The following IL36B variants were observed in gnomAD, a reference collection of about 807,000 sequenced individuals.
IL36B encodes interleukin 36 beta.
Under a neutral mutation model 19.3 loss-of-function variants are expected in IL36B, and 23 were observed. The observed-to-expected ratio is 1.19, with a 90% CI of 0.86 to 1.69. The LOEUF (loss-of-function observed/expected upper bound fraction) is 1.69, where lower values mean the gene tolerates loss of function less well. Among genes scored for constraint, IL36B ranks in the 40% most tolerant of loss-of-function variants. The pLI is 0.00. For synonymous variants in IL36B, 59 were observed against 59.7 expected, an observed-to-expected ratio of 0.99 and a Z score of 0.05; for missense variants, 217 against 200.5, an observed-to-expected ratio of 1.08 and a Z score of -0.50.
At chr2:113,043,019 A>T (rs1280283066) in intron 1 of IL36B, among the ~76,000 whole-genome samples, 1 of 151,738 alleles carries the variant, frequency 6.6e-6, no homozygotes, top group African/African-American at 2.4e-5. Flanking sequence ...GCAGTTTCCC[A>T]ATGACTAATT....
chr2:113,031,675 T>A (rs1421166640), intron 2 of IL36B, 22 bp downstream of exon 2: 2 of 1,602,144 alleles, frequency 1.2e-6, no homozygotes, highest in Non-Finnish European at 1.7e-6. Context: ...ATTTCCAAGC[T>A]GATTTGCAAT....
At chr2:113,026,549 T>C (rs961995855) in intron 4 of IL36B, among the ~76,000 whole-genome samples, 2 of 152,242 alleles carry the variant, frequency 1.3e-5, no homozygotes, top group Non-Finnish European at 2.9e-5. Context: ...GTTATGCTCA[T>C]GTTCATGCTC....
intron 1 of IL36B, among the ~76,000 whole-genome samples, chr2:113,046,249 A>G (rs922225160): frequency 5.0e-5 from 7 of 140,526 alleles, no homozygotes; most frequent in South Asian, 2.2e-4. Context: ...TGGCTCTGTC[A>G]CCCAGGCTGG....
chr2:113,031,942 T>G (rs1685083117), intron 1 of IL36B, among the ~76,000 whole-genome samples, 176 bp from the exon 2 acceptor site: 1 of 152,176 alleles, frequency 6.6e-6, no homozygotes, highest in Non-Finnish European at 1.5e-5. Flanking sequence ...CAGAAAACCC[T>G]AAAAGGAAGC....
At chr2:113,026,869 G>T (rs1476082229) in intron 4 of IL36B, among the ~76,000 whole-genome samples, 1 of 152,164 alleles carries the variant, frequency 6.6e-6, no homozygotes, top group African/African-American at 2.4e-5. Context: ...ATATGGATTG[G>T]TTTACATTCA....
At position 113,022,521 on chromosome 2, in the gene IL36B, C is replaced by T. The variant is rs577186022; in HGVS notation, c.*153G>A. 5.2e-6 allele frequency: 3 copies of T among 577,092 alleles called. No individual in the cohort carries two copies. Among genetic ancestry groups the T allele is most frequent in the Non-Finnish European group, 9.3e-6 (3 of 324,316 alleles). 35.7% of individuals were successfully genotyped at this position (577,092 alleles called of 1,614,324 possible). On this transcript the variant is annotated 3_prime_UTR_variant, in exon 6 of 6. Coordinates refer to ENST00000259213, the MANE Select transcript of IL36B (RefSeq NM_014438.5). ...CTCTAGCTTTACAGGTAAGATTTACCAACTCTTTAAAAATACATAGTGTCC... is the reference window on the plus strand; with the variant it reads ...CTCTAGCTTTACAGGTAAGATTTACTAACTCTTTAAAAATACATAGTGTCC...
chr2:113,039,260 A>G (rs541020857), intron 1 of IL36B, among the ~76,000 whole-genome samples: 1 of 152,306 alleles, frequency 6.6e-6, no homozygotes, highest in Admixed American at 6.5e-5. Flanking sequence ...GACAATTATA[A>G]GACAAAAAGA....
intron 4 of IL36B, 59 bp downstream of exon 4, chr2:113,028,880 T>C: frequency 6.5e-7 from 1 of 1,547,284 alleles, no homozygotes; most frequent in Non-Finnish European, 8.8e-7. Flanking sequence ...AGTAACATAG[T>C]AAATGAAATA....
At chr2:113,030,702 A>T (rs960171266) in intron 3 of IL36B, among the ~76,000 whole-genome samples, 3 of 151,878 alleles carry the variant, frequency 2.0e-5, no homozygotes, top group Non-Finnish European at 2.9e-5. Context: ...TGGTGGAAAG[A>T]TGACGGAGTT....
intron 1 of IL36B, among the ~76,000 whole-genome samples, chr2:113,046,266 G>C (rs1685348090): frequency 6.7e-6 from 1 of 150,236 alleles, no homozygotes; most frequent in South Asian, 2.1e-4. Context: ...CTGGAGTGCA[G>C]TGGCACCATC....
At position 113,022,701 on chromosome 2, in the gene IL36B, G is replaced by T. The variant is rs1490987668; in HGVS notation, c.468C>A (p.Thr156=). 2 of 1,610,502 alleles carry T rather than the reference G, an allele frequency of 1.2e-6. No homozygotes were observed. The highest frequency in any genetic ancestry group is 1.3e-5 in the African/African-American group (1 of 74,928). The change falls in exon 6 of 6, where the codon ACC becomes ACA. Residue 156 remains threonine, a synonymous_variant. Transcript: ENST00000259213. ...ACATCCTTCCTGGCATTCCTATGTT[G>T]GTCCGCATGGATGAGAAATCTTTGT...
chr2:113,046,411 A>G lies in IL36B; in HGVS notation c.-58+6406T>C, dbSNP rs573788459. Among the ~76,000 whole-genome samples the G allele has an allele frequency of 2.5e-3, 385 of 152,156 alleles. 2 individuals carry two copies. Among genetic ancestry groups the G allele is most frequent in the African/African-American group, 8.2e-3 (341 of 41,508 alleles). On this transcript the variant is annotated intron_variant, in intron 1 of 5. Transcript: ENST00000259213. ...TTTTTAGTAGAGACGGTGTTTCACCATGTTAGCCAGTATGGTCTCGATCTC... is the reference window on the plus strand; with the variant it reads ...TTTTTAGTAGAGACGGTGTTTCACCGTGTTAGCCAGTATGGTCTCGATCTC...
intron 1 of IL36B, among the ~76,000 whole-genome samples, chr2:113,047,121 G>T (rs1685363512): frequency 6.6e-6 from 1 of 152,110 alleles, no homozygotes; most frequent in African/African-American, 2.4e-5. Flanking sequence ...TTGGCCATTG[G>T]AAGCACTTTT....
intron 1 of IL36B, among the ~76,000 whole-genome samples, chr2:113,039,209 C>T (rs766094170): frequency 1.3e-5 from 2 of 152,086 alleles, no homozygotes; most frequent in Non-Finnish European, 2.9e-5. Context: ...ATGAGACAGG[C>T]ACAGAGCACT....
intron 1 of IL36B, among the ~76,000 whole-genome samples, chr2:113,038,917 G>C (rs1048302884): frequency 1.3e-5 from 2 of 152,204 alleles, no homozygotes; most frequent in African/African-American, 2.4e-5. Flanking sequence ...TAGGTGATGG[G>C]TTCTACAGTG....
chr2:113,029,243 GA>G (rs1220682446), intron 3 of IL36B, among the ~76,000 whole-genome samples, 165 bp from the exon 4 acceptor site: 1 of 152,138 alleles, frequency 6.6e-6, no homozygotes, highest in Non-Finnish European at 1.5e-5. Flanking sequence ...CTTAATAACA[GA>G]ACCCCAGTTG....
intron 3 of IL36B, among the ~76,000 whole-genome samples, chr2:113,030,082 T>G (rs968895809): frequency 6.6e-6 from 1 of 151,928 alleles, no homozygotes; most frequent in Non-Finnish European, 1.5e-5. Flanking sequence ...AATACAAAAA[T>G]TAGCTAGGCA....
At chr2:113,033,445 C>T (rs756324035) in intron 1 of IL36B, among the ~76,000 whole-genome samples, 85 of 152,134 alleles carry the variant, frequency 5.6e-4, no homozygotes, top group Admixed American at 2.0e-3. Flanking sequence ...CACTGTGTTG[C>T]CCAGGCTGGT....
In IL36B at chr2:113,028,932, C is replaced by G; in HGVS notation, c.261+7G>C. The G allele has an allele frequency of 1.2e-6, 2 of 1,612,886 alleles. No homozygotes were observed. Among genetic ancestry groups the G allele is most frequent in the Non-Finnish European group, 8.5e-7 (1 of 1,179,540 alleles). On this transcript the variant is annotated splice_region_variant and intron_variant, in intron 4 of 5. Transcript: ENST00000259213. ...GTACTTCTCTCGTTAGCTGCACAAT[C>G]ACTCACCTTAAGCTGCAAAGTAGGC...
Sources: gnomAD v4.1 joint callset for allele counts (sites outside exome capture counted in the v4.1 genomes callset) on GRCh38, gnomAD v4.1.1 for gene constraint, MANE v1.5 for transcripts, NCBI Gene and HGNC (gene_info 2026-07-23, HGNC 2026-07-21) for gene names.